The following GPHN variants were observed in gnomAD, a reference collection of about 807,000 sequenced individuals.
GPHN encodes the protein gephyrin.
A neutral mutation model predicts 95.5 loss-of-function variants in GPHN; 17 were observed. That is an observed-to-expected ratio of 0.18 (90% CI 0.12 to 0.27). The LOEUF is 0.27. Among genes scored for constraint, GPHN ranks in the 10% least tolerant of loss-of-function variants. The probability of loss-of-function intolerance (pLI) is 1.00; values close to 1 mark genes in which losing one functional copy is unlikely to be tolerated. For synonymous variants in GPHN, 320 were observed against 322.5 expected (o/e 0.99, Z 0.08); for missense variants, 660 against 978.1 (o/e 0.67, Z 4.34).
chr14:67,179,775 T>C (rs2140197860), intron 22 of GPHN, 101 bp downstream of exon 22: 1 of 737,598 alleles, frequency 1.4e-6, no homozygotes, highest in Admixed American at 2.2e-5. Flanking sequence ...GTAATTATTA[T>C]ACATTTTTCT....
At chr14:66,865,172 A>G (rs942013712) in intron 4 of GPHN, among the ~76,000 whole-genome samples, 1 of 151,926 alleles carries the variant, frequency 6.6e-6, no homozygotes, top group African/African-American at 2.4e-5. Context: ...AATGAGTAAA[A>G]CCTGGTATTG....
the GPHN span, among the ~76,000 whole-genome samples, chr14:67,212,664 T>TATATATAATATATATTA: frequency 6.8e-6 from 1 of 146,932 alleles, no homozygotes; most frequent in African/African-American, 2.5e-5. Context: ...TAATATATAT[T>TATATATAATATATATTA]TACACATACA....
intron 6 of GPHN, among the ~76,000 whole-genome samples, chr14:66,921,291 T>G (rs1268385165): frequency 6.6e-6 from 1 of 152,172 alleles, no homozygotes; most frequent in Non-Finnish European, 1.5e-5. Flanking sequence ...TGGCCATTCT[T>G]GCAGGAGTAA....
chr14:67,335,325 A>G, the GPHN span: 2 of 152,372 alleles, frequency 1.3e-5, no homozygotes, highest in South Asian at 4.1e-4. Context: ...ACCTAGTTGT[A>G]CAGCCACTCT....
At chr14:67,694,969 G>C in the GPHN span, among the ~76,000 whole-genome samples, 2 of 152,106 alleles carry the variant, frequency 1.3e-5, no homozygotes, top group African/African-American at 4.8e-5. Context: ...GCCAGCCTTG[G>C]GCTGATTGAT....
chr14:66,757,898 G>C (rs1183317091), intron 2 of GPHN, among the ~76,000 whole-genome samples: 2 of 152,204 alleles, frequency 1.3e-5, no homozygotes, highest in Non-Finnish European at 2.9e-5. Context: ...ACTGTACAGT[G>C]AGTGGAATAG....
chr14:67,248,868 C>T, the GPHN span, among the ~76,000 whole-genome samples: 2 of 152,120 alleles, frequency 1.3e-5, no homozygotes, highest in Non-Finnish European at 2.9e-5. Flanking sequence ...CTGTGTTGCT[C>T]AGGCTGGTCT....
chr14:67,408,420 A>T, the GPHN span, among the ~76,000 whole-genome samples: 1 of 152,236 alleles, frequency 6.6e-6, no homozygotes, highest in East Asian at 1.9e-4. Flanking sequence ...CCCAAAAAAG[A>T]TACACTGAAG....
At chr14:67,279,350 G>A in the GPHN span, 2 of 1,613,818 alleles carry the variant, frequency 1.2e-6, no homozygotes, top group Middle Eastern at 3.3e-4. Context: ...AGCGTATTCG[G>A]CAACAACAGG....
chr14:66,523,628 G>A (rs2058565236), intron 1 of GPHN, among the ~76,000 whole-genome samples: 2 of 151,974 alleles, frequency 1.3e-5, no homozygotes, highest in Admixed American at 1.3e-4. Context: ...CTAAGCTTTA[G>A]TTTTTTTCAT....
At chr14:66,703,983 GAAA>G (rs1415993733) in intron 2 of GPHN, among the ~76,000 whole-genome samples, 3 of 135,992 alleles carry the variant, frequency 2.2e-5, no homozygotes, top group African/African-American at 8.1e-5. Context: ...AAGAAAGAAA[GAAA>G]AAAAGAAAAA....
chr14:66,980,366 G>T (rs1028424215), intron 9 of GPHN, among the ~76,000 whole-genome samples: 2 of 152,104 alleles, frequency 1.3e-5, no homozygotes, highest in Non-Finnish European at 2.9e-5. Flanking sequence ...TCATATTTCA[G>T]TGAAAGTTCA....
chr14:66,724,381 G>A (rs142306475), intron 2 of GPHN, among the ~76,000 whole-genome samples: 1 of 152,138 alleles, frequency 6.6e-6, no homozygotes, highest in Non-Finnish European at 1.5e-5. Context: ...ACATCTAGCA[G>A]CTGTTCAGTT....
chr14:66,877,897 A>G (rs1273780612), intron 4 of GPHN, among the ~76,000 whole-genome samples: 1 of 152,164 alleles, frequency 6.6e-6, no homozygotes, highest in African/African-American at 2.4e-5. Flanking sequence ...TATGGAACCA[A>G]AAAGAGCCCT....
In GPHN at chr14:66,824,433, C is replaced by G; in HGVS notation, c.202-41C>G. On this transcript the variant is annotated intron_variant, in intron 3 of 22. Coordinates refer to ENST00000478722, the MANE Select transcript of GPHN (RefSeq NM_020806.5). ...GACTGGGATGTTTTGAGCAAGCAGG[C>G]AAATTTTTCTGCACATGACTATACT... 4 of 1,045,012 alleles carry G rather than the reference C, an allele frequency of 3.8e-6. No individual in the cohort carries two copies. In the South Asian group the frequency reaches 5.1e-5, roughly 13 times the overall value. 64.7% of individuals were successfully genotyped at this position (1,045,012 alleles called of 1,614,324 possible).
At chr14:66,591,521 CAGAG>C (rs138377742) in intron 1 of GPHN, among the ~76,000 whole-genome samples, 24,333 of 151,876 alleles carry the variant, frequency 0.16, 3,717 homozygotes, top group East Asian at 0.45. Flanking sequence ...AATAGAGAAA[CAGAG>C]AGTGAAATCT....
chr14:66,823,986 A>G (rs1445692233), intron 3 of GPHN, among the ~76,000 whole-genome samples: 1 of 152,182 alleles, frequency 6.6e-6, no homozygotes, highest in Non-Finnish European at 1.5e-5. Flanking sequence ...GCAGATGGAG[A>G]TCCTAGTTTC....
chr14:66,512,790 A>G (rs1309567095), intron 1 of GPHN, among the ~76,000 whole-genome samples: 1 of 151,790 alleles, frequency 6.6e-6, no homozygotes, highest in Non-Finnish European at 1.5e-5. Context: ...TAACTCTGCA[A>G]TTGTTTAAGC....
chr14:66,708,644 G>A, intron 2 of GPHN, among the ~76,000 whole-genome samples: 1 of 152,130 alleles, frequency 6.6e-6, no homozygotes, highest in East Asian at 1.9e-4. Flanking sequence ...ATCTAGAGCA[G>A]TAATTTACTG....
Sources: allele counts gnomAD v4.1 joint callset (sites outside exome capture counted in the v4.1 genomes callset), GRCh38; gene constraint gnomAD v4.1.1; transcripts MANE v1.5; gene names NCBI Gene and HGNC (gene_info 2026-07-23, HGNC 2026-07-21).